Variants in DOP1A observed in about 807,000 individuals in gnomAD.
DOP1A encodes the protein protein DOP1A.
In DOP1A, 90 loss-of-function variants were observed where a neutral mutation model predicts 267.6. That is an observed-to-expected ratio of 0.34 (90% confidence interval 0.28 to 0.40). The LOEUF is 0.40. Ranked by LOEUF, DOP1A falls within the 10% of genes least tolerant of loss-of-function variation. The probability of loss-of-function intolerance (pLI) is 1.00; values close to 1 mark genes in which losing one functional copy is unlikely to be tolerated. For synonymous variants in DOP1A, 932 were observed against 999.1 expected, an observed-to-expected ratio of 0.93 and a Z score of 1.27; for missense variants, 2,437 against 2,900.4, an observed-to-expected ratio of 0.84 and a Z score of 3.67.
chr6:83,094,725 T>C (rs987230565), intron 1 of DOP1A, among the ~76,000 whole-genome samples: 1 of 152,188 alleles, frequency 6.6e-6, no homozygotes, highest in Non-Finnish European at 1.5e-5. Flanking sequence ...ACTTTGGAAT[T>C]ATTTGTCTTT....
Position 83,153,589 on chromosome 6 carries a change from C to T in DOP1A, c.6208C>T (p.His2070Tyr). 6.2e-7 allele frequency: 1 copy of T among 1,607,598 alleles called. No individual in the cohort carries two copies. The highest frequency in any genetic ancestry group is 8.5e-7 in the Non-Finnish European group (1 of 1,177,266). The change falls in exon 31 of 39, where the codon CAT (histidine) becomes TAT (tyrosine). Residue 2070 changes from histidine (H) to tyrosine (Y), a missense_variant. Transcript: ENST00000349129. ...RVIPLLVNIM[H>Y]YVVPYLRNHS... ...TATTCCTTTACTTGTAAATATTATGCATTATGTTGTGCCCTACCTCAGAAA... is the reference window on the plus strand; with the variant it reads ...TATTCCTTTACTTGTAAATATTATGTATTATGTTGTGCCCTACCTCAGAAA...
chr6:83,081,049 AACAG>A (rs1228421393), intron 1 of DOP1A, among the ~76,000 whole-genome samples: 1 of 152,212 alleles, frequency 6.6e-6, no homozygotes, highest in Non-Finnish European at 1.5e-5. Context: ...CTGGCATAAG[AACAG>A]ACAGACTGAC....
At position 83,113,525 on chromosome 6, in the gene DOP1A, T is replaced by A. The variant is rs1774911865; in HGVS notation, c.780+104T>A. ...GCATGTGTGTTGAATTCTTCTTGTA[T>A]AAATCAGTAAGCGCATGGAAAATAA... On this transcript the variant is annotated intron_variant, in intron 7 of 38. Coordinates refer to ENST00000349129, the MANE Select transcript of DOP1A (RefSeq NM_015018.4). 1.3e-5 allele frequency: 11 copies of A among 871,570 alleles called. No individual in the cohort carries two copies. The East Asian group carries it at 2.9e-4, about 23-fold the overall frequency. 54.0% of individuals were successfully genotyped at this position (871,570 alleles called of 1,614,324 possible).
Position 83,096,918 on chromosome 6 carries a change from T to A in DOP1A, c.-53-7T>A. 6.3e-7 allele frequency: 1 copy of A among 1,580,980 alleles called. No homozygotes were observed. The highest frequency in any genetic ancestry group is 8.6e-7 in the Non-Finnish European group (1 of 1,165,460). On this transcript the variant is annotated splice_polypyrimidine_tract_variant and splice_region_variant and intron_variant, in intron 2 of 38. Coordinates refer to ENST00000349129, the MANE Select transcript of DOP1A (RefSeq NM_015018.4). ...AACCTTGGTTCCTCCTGCAAACTCT[T>A]TTGTAGGTAATGACTTTACATGAGT...
rs1250300727 is a variant in DOP1A, at chr6:83,138,187, T to C, written c.4145T>C (p.Leu1382Ser). The change falls in exon 21 of 39, where the codon TTG becomes TCG. Residue 1382 changes from leucine to serine, a missense_variant. This residue lies in a region of DOP1A where 878 missense variants were observed against 992.9 expected (regional missense o/e 0.88). Transcript: ENST00000349129. ...CAGTTGTATGATTCATCCAGGACTT[T>C]GTATGCTTTCTCTGCCATCAAAGCC... is the stretch of plus-strand genomic sequence containing the variant. ...YLQLYDSSRT[L>S]YAFSAIKAIL... 2.5e-6 allele frequency: 4 copies of C among 1,613,910 alleles called. No homozygotes were observed. The highest frequency in any genetic ancestry group is 3.4e-6 in the Non-Finnish European group (4 of 1,179,896).
rs780566946 is a variant in DOP1A, at chr6:83,140,324, T to A, written c.5336T>A (p.Leu1779Gln). 3.1e-6 allele frequency: 5 copies of A among 1,613,526 alleles called. No homozygotes were observed. Among genetic ancestry groups the A allele is most frequent in the Admixed American group, 1.7e-5 (1 of 60,014 alleles). ...TCTGTGACACTGCTTTGGAGCATACTGCATCAAGCTGATTCTTCAGAAAAG... is the reference window on the plus strand; with the variant it reads ...TCTGTGACACTGCTTTGGAGCATACAGCATCAAGCTGATTCTTCAGAAAAG... The part of the protein sequence containing the change: ...MSSVTLLWSI[L>Q]HQADSSEKMT... The change falls in exon 23 of 39, where the codon CTG becomes CAG. Residue 1779 changes from leucine (L) to glutamine (Q), a missense_variant. This residue lies in a region of DOP1A where 307 missense variants were observed against 308.6 expected (regional missense o/e 0.99). Transcript: ENST00000349129.
At position 83,148,746 on chromosome 6, in the gene DOP1A, T is replaced by C; in HGVS notation, c.5733-13T>C. The C allele has an allele frequency of 6.6e-7, 1 of 1,516,350 alleles. No individual in the cohort carries two copies. The highest frequency in any genetic ancestry group is 8.8e-7 in the Non-Finnish European group (1 of 1,132,108). The allele number at this position is 1,516,350 out of a possible 1,614,324, so 93.9% of individuals were successfully genotyped here. A position where few individuals can be genotyped will look rare whatever the true frequency, so the allele number is the denominator to read the frequency against. Reference sequence around the variant, plus strand: ...TTTATTGTGGCTTTTGTATAAACTATATTATCTTGCAGAATTCCAGTGCCC... The same window carrying C: ...TTTATTGTGGCTTTTGTATAAACTACATTATCTTGCAGAATTCCAGTGCCC... On this transcript the variant is annotated splice_polypyrimidine_tract_variant and intron_variant, in intron 26 of 38. Coordinates refer to ENST00000349129, the MANE Select transcript of DOP1A (RefSeq NM_015018.4).
intron 1 of DOP1A, among the ~76,000 whole-genome samples, chr6:83,088,484 G>A (rs757818138): frequency 4.1e-5 from 6 of 145,524 alleles, no homozygotes; most frequent in African/African-American, 7.7e-5. Context: ...GTGCAGTGGC[G>A]CGATCTCAGC....
intron 1 of DOP1A, among the ~76,000 whole-genome samples, chr6:83,073,300 C>A (rs1785930517): frequency 6.6e-6 from 1 of 152,114 alleles, no homozygotes; most frequent in African/African-American, 2.4e-5. Flanking sequence ...GTTGGCCAGG[C>A]TGGTCTCTAT....
intron 11 of DOP1A, 58 bp from the exon 12 acceptor site, chr6:83,122,801 TTAAA>T: frequency 7.7e-7 from 1 of 1,291,082 alleles, no homozygotes; most frequent in Non-Finnish European, 1.0e-6. Flanking sequence ...GCACTCAAAT[TTAAA>T]TTTGAAAAAA....
chr6:83,144,297 T>C (rs1343597281), intron 24 of DOP1A, among the ~76,000 whole-genome samples: 1 of 152,082 alleles, frequency 6.6e-6, no homozygotes, highest in African/African-American at 2.4e-5. Context: ...TGACACTGTG[T>C]AGCAAACCTA....
chr6:83,083,317 A>G (rs957274473), intron 1 of DOP1A, among the ~76,000 whole-genome samples: 15 of 151,938 alleles, frequency 9.9e-5, no homozygotes, highest in Admixed American at 1.3e-4. Flanking sequence ...TTTAAGTACA[A>G]TTTCTAAGAA....
intron 1 of DOP1A, among the ~76,000 whole-genome samples, chr6:83,078,555 A>C (rs769200317): frequency 6.6e-6 from 1 of 152,232 alleles, no homozygotes; most frequent in African/African-American, 2.4e-5. Flanking sequence ...GCACAAGTAC[A>C]AACTTGTGTA....
chr6:83,121,877 A>G, intron 10 of DOP1A, 53 bp from the exon 11 acceptor site: 1 of 1,526,860 alleles, frequency 6.5e-7, no homozygotes. Flanking sequence ...TCAGATAAGC[A>G]TGATTTGCTC....
chr6:83,077,901 T>C (rs867637577), intron 1 of DOP1A, among the ~76,000 whole-genome samples: 1 of 152,222 alleles, frequency 6.6e-6, no homozygotes, highest in African/African-American at 2.4e-5. Flanking sequence ...CTTAATGTTT[T>C]AAGAAAGTTT....
In DOP1A at chr6:83,140,367, C is replaced by T. The variant is rs766479015; in HGVS notation, c.5379C>T (p.Ser1793=). The change falls in exon 23 of 39, where the codon TCC becomes TCT. Residue 1793 remains serine (S), a synonymous_variant. Transcript: ENST00000349129. ...DSSEKMTIAA[S]ASLTTINLGA... is the part of the protein sequence containing the mutation. Reference sequence around the variant, plus strand: ...CAGAAAAGATGACTATTGCCGCATCCGCATCTCTTACCACTATTAATCTTG... The same window carrying T: ...CAGAAAAGATGACTATTGCCGCATCTGCATCTCTTACCACTATTAATCTTG... 2.7e-5 allele frequency: 43 copies of T among 1,611,840 alleles called. No individual in the cohort carries two copies. The highest frequency in any genetic ancestry group is 1.3e-4 in the African/African-American group (10 of 74,882).
intron 7 of DOP1A, among the ~76,000 whole-genome samples, chr6:83,114,581 C>A (rs1381857352): frequency 2.6e-5 from 4 of 152,078 alleles, no homozygotes; most frequent in Non-Finnish European, 5.9e-5. Context: ...TGAACTTTTC[C>A]CATTGCTTTC....
At position 83,140,227 on chromosome 6, in the gene DOP1A, G is replaced by A. The variant is rs758489319; in HGVS notation, c.5239G>A (p.Val1747Ile). Reference protein sequence around the residue: ...DPTTQYHQLLVSVDQKHLFEA... With the variant: ...DPTTQYHQLLISVDQKHLFEA... ...TTCCCCCAACTGTTAATAGCTTTTG[G>A]TCAGTGTAGACCAGAAACACTTGTT... Residue 1747 changes from valine (V) to isoleucine (I), a missense_variant, in exon 23 of 39, where the codon GTC (valine) becomes ATC (isoleucine). Coordinates refer to ENST00000349129, the MANE Select transcript of DOP1A (RefSeq NM_015018.4). 6.2e-7 allele frequency: 1 copy of A among 1,610,492 alleles called. No individual in the cohort carries two copies. The highest frequency in any genetic ancestry group is 1.3e-5 in the African/African-American group (1 of 74,930).
At chr6:83,107,217 A>C (rs1191939347) in intron 4 of DOP1A, among the ~76,000 whole-genome samples, 2 of 152,174 alleles carry the variant, frequency 1.3e-5, no homozygotes, top group Non-Finnish European at 1.5e-5. Context: ...TGTATTAAAA[A>C]GCAAAGATGT....
Sources: gnomAD v4.1 joint callset for allele counts (sites outside exome capture counted in the v4.1 genomes callset) on GRCh38, gnomAD v4.1.1 for gene constraint, gnomAD v4.1.1 regional missense constraint, MANE v1.5 for transcripts, NCBI Gene and HGNC (gene_info 2026-07-23, HGNC 2026-07-21) for gene names.